Variants in ATP13A1 observed in about 807,000 individuals in gnomAD.
The protein encoded by ATP13A1 is ATPase 13A1.
Under a neutral mutation model 134.8 loss-of-function variants are expected in ATP13A1, and 55 were observed. The ratio of observed to expected loss-of-function variants is 0.41; its 90% CI spans 0.33 to 0.51. The LOEUF (loss-of-function observed/expected upper bound fraction) is 0.51, where lower values mean the gene tolerates loss of function less well. Ranked by LOEUF, ATP13A1 falls within the 20% of genes least tolerant of loss-of-function variation. ATP13A1 has a pLI of 0.29. For missense variants in ATP13A1, 1,389 were observed against 1,652.8 expected (o/e 0.84, Z 2.77); for synonymous variants, 775 against 725.1 (o/e 1.07, Z -1.10).
chr19:19,655,600 G>A lies in ATP13A1; in HGVS notation c.1324C>T (p.Leu442=), dbSNP rs781434427. Residue 442 remains leucine (L), a synonymous_variant, in exon 10 of 26, where the codon CTG becomes TTG. Coordinates refer to ENST00000357324, the MANE Select transcript of ATP13A1 (RefSeq NM_020410.3). The surrounding 1 kb of genome is among the most constrained non-coding windows in gnomAD (Gnocchi z 5.7). ...FGVKRVTANN[L]ETFIFILFLL... is the part of the protein sequence containing the mutation. Reference sequence around the variant, plus strand: ...AAGAGGATGAAGATGAAGGTCTCCAGGTTGTTCGCAGTCACCCTCTTGACC... The same window carrying A: ...AAGAGGATGAAGATGAAGGTCTCCAAGTTGTTCGCAGTCACCCTCTTGACC... 21 of 1,613,790 alleles carry A rather than the reference G, an allele frequency of 1.3e-5. No individual in the cohort carries two copies. Among genetic ancestry groups the A allele is most frequent in the South Asian group, 1.2e-4 (11 of 91,072 alleles).
chr19:19,648,297 C>T (rs1250006419), intron 19 of ATP13A1, among the ~76,000 whole-genome samples: 1 of 151,832 alleles, frequency 6.6e-6, no homozygotes, highest in Non-Finnish European at 1.5e-5. Context: ...CCAGCCTGGG[C>T]GACAGAGCGA....
chr19:19,659,660 G>A lies in ATP13A1; in HGVS notation c.618C>T (p.Asn206=). The A allele has an allele frequency of 6.2e-7, 1 of 1,613,914 alleles. No homozygotes were observed. The highest frequency in any genetic ancestry group is 2.2e-5 in the East Asian group (1 of 44,862). ...VGNAFSYYQS[N]RGFQEDSEIR... ...TCTCTGAGTCTTCCTGGAAGCCTCT[G>A]TTGCTCTGATAGTATGAGAAGGCGT... Residue 206 remains asparagine (N), a synonymous_variant, in exon 3 of 26, where the codon AAC becomes AAT. Transcript: ENST00000357324.
Position 19,647,744 on chromosome 19 carries a change from G to T in ATP13A1, c.2648C>A (p.Ala883Asp). The change falls in exon 20 of 26, where the codon GCC becomes GAC. Residue 883 changes from alanine (A) to aspartate (D), a missense_variant. By Grantham distance (126) the Ala-to-Asp change is moderately radical (BLOSUM62 -2). This residue lies in a region of ATP13A1 where 121 missense variants were observed against 104.9 expected (regional missense o/e 1.15). Transcript: ENST00000357324. The surrounding 1 kb of genome is among the most constrained non-coding windows in gnomAD (Gnocchi z 4.8). ...KHADVGVALL[A>D]NAPERVVERR... ...CTCGACAACCCGCTCAGGGGCATTG[G>T]CCAAGAGCGCCACACCTGGGGGGCA... is the stretch of plus-strand genomic sequence containing the variant. 1 of 1,599,322 alleles carries T rather than the reference G, an allele frequency of 6.3e-7. No individual in the cohort carries two copies.
At chr19:19,657,271 G>C in intron 4 of ATP13A1, 65 bp downstream of exon 4, 15 of 1,521,070 alleles carry the variant, frequency 9.9e-6, no homozygotes, top group Non-Finnish European at 1.3e-5. Flanking sequence ...TGGTGGGCAG[G>C]CTTGATCCGG....
chr19:19,646,169 C>T (rs767871145), intron 23 of ATP13A1, 36 bp downstream of exon 23: 2 of 1,612,378 alleles, frequency 1.2e-6, no homozygotes, highest in South Asian at 2.2e-5. Context: ...CTATTCTCAG[C>T]TGCAGGGACA....
chr19:19,655,839 C>T lies in ATP13A1; in HGVS notation c.1269+39G>A, dbSNP rs1392917793. 1.3e-6 allele frequency: 2 copies of T among 1,554,884 alleles called. No individual in the cohort carries two copies. Among genetic ancestry groups the T allele is most frequent in the Non-Finnish European group, 1.7e-6 (2 of 1,155,506 alleles). On this transcript the variant is annotated intron_variant, in intron 9 of 25. Coordinates refer to ENST00000357324, the MANE Select transcript of ATP13A1 (RefSeq NM_020410.3). The surrounding 1 kb of genome is among the most constrained non-coding windows in gnomAD (Gnocchi z 5.7). ...AAGGGCTGATACCTTGGCTGTCCAA[C>T]TGCCCTGGGGCCCGCCCTCCCCAGA...
At chr19:19,646,620 C>T (rs1022261973) in intron 22 of ATP13A1, 1 of 529,120 alleles carries the variant, frequency 1.9e-6, no homozygotes, top group African/African-American at 1.9e-5. Flanking sequence ...TCCTGCCCTC[C>T]CTGGAGCCCA....
At chr19:19,662,544 C>T (rs1038862549) in intron 1 of ATP13A1, among the ~76,000 whole-genome samples, 2 of 152,114 alleles carry the variant, frequency 1.3e-5, no homozygotes, top group African/African-American at 4.8e-5. Flanking sequence ...TGCTTCAGGC[C>T]CAGGGAAGCT....
intron 1 of ATP13A1, among the ~76,000 whole-genome samples, chr19:19,661,010 C>T (rs955771448): frequency 1.3e-5 from 2 of 151,904 alleles, no homozygotes; most frequent in Non-Finnish European, 2.9e-5. Flanking sequence ...ACCTGGGAGG[C>T]GGAGGTTGCA....
rs116265234 is a variant in ATP13A1, at chr19:19,647,054, C to G, written c.3105+75G>C. Reference sequence around the variant, plus strand: ...CCTGGGTCCTGTAACTTGGGGATGACAATTCCCGTGCCTATATCAGCCTGG... The same window carrying G: ...CCTGGGTCCTGTAACTTGGGGATGAGAATTCCCGTGCCTATATCAGCCTGG... On this transcript the variant is annotated intron_variant, in intron 22 of 25. Coordinates refer to ENST00000357324, the MANE Select transcript of ATP13A1 (RefSeq NM_020410.3). The surrounding 1 kb of genome is among the most constrained non-coding windows in gnomAD (Gnocchi z 4.8). 2,304 of 1,467,762 alleles carry G rather than the reference C, an allele frequency of 1.6e-3. 33 individuals carry two copies. The African/African-American group carries it at 0.027, about 17-fold the overall frequency. The allele number at this position is 1,467,762 out of a possible 1,614,324, so 90.9% of individuals were successfully genotyped here. A position where few individuals can be genotyped will look rare whatever the true frequency, so the allele number is the denominator to read the frequency against.
chr19:19,654,738 C>A (rs200369892), intron 12 of ATP13A1, 38 bp from the exon 13 acceptor site: 4 of 1,578,482 alleles, frequency 2.5e-6, no homozygotes, highest in East Asian at 2.3e-5. Context: ...AGAGTGCAGG[C>A]GGGTAGGGCG....
intron 13 of ATP13A1, 102 bp from the exon 14 acceptor site, chr19:19,654,246 C>CA: frequency 7.8e-7 from 1 of 1,275,734 alleles, no homozygotes; most frequent in Non-Finnish European, 1.1e-6. Context: ...CTGCCTCCCC[C>CA]AGGGCCTGAT....
chr19:19,653,096 C>G lies in ATP13A1; in HGVS notation c.2101-376G>C, dbSNP rs2062035208. On this transcript the variant is annotated intron_variant, in intron 15 of 25. Coordinates refer to ENST00000357324, the MANE Select transcript of ATP13A1 (RefSeq NM_020410.3). This position sits in a 1 kb window ranked among gnomAD's most constrained non-coding sequence, Gnocchi z 4.2. ...TCCACCACATACCACAGACTGGGCA[C>G]AGACCCCTGGCCTTAGGGAGCTCAC... is the stretch of plus-strand genomic sequence containing the variant. 4.2e-6 allele frequency: 1 copy of G among 236,388 alleles called. No individual in the cohort carries two copies. Among genetic ancestry groups the G allele is most frequent in the Non-Finnish European group, 8.4e-6 (1 of 118,990 alleles). 14.6% of individuals were successfully genotyped at this position (236,388 alleles called of 1,614,324 possible).
intron 3 of ATP13A1, among the ~76,000 whole-genome samples, chr19:19,659,231 G>A (rs2062078955): frequency 6.6e-6 from 1 of 152,186 alleles, no homozygotes; most frequent in African/African-American, 2.4e-5. Flanking sequence ...AACATGGGAG[G>A]ATCACCTGAG....
At chr19:19,660,355 A>G (rs891610843) in intron 1 of ATP13A1, among the ~76,000 whole-genome samples, 2 of 152,164 alleles carry the variant, frequency 1.3e-5, no homozygotes, top group African/African-American at 4.8e-5. Context: ...GGTGGTGCAC[A>G]CCTGTAATAC....
chr19:19,663,113 T>A, intron 1 of ATP13A1, 158 bp downstream of exon 1: 1 of 1,089,798 alleles, frequency 9.2e-7, no homozygotes, highest in Non-Finnish European at 1.4e-6. Flanking sequence ...AGTGGGGTCA[T>A]GATTAAGCCT....
intron 13 of ATP13A1, 130 bp from the exon 14 acceptor site, chr19:19,654,274 G>A: frequency 4.6e-6 from 5 of 1,091,086 alleles, no homozygotes; most frequent in Middle Eastern, 3.1e-4. Context: ...CTGGGCTAGA[G>A]CAGGTGTTGG....
Position 19,656,884 on chromosome 19 carries a change from G to A in ATP13A1, c.939C>T (p.Ala313=), listed in dbSNP as rs1227563905. 1 of 1,612,448 alleles carries A rather than the reference G, an allele frequency of 6.2e-7. No individual in the cohort carries two copies. The highest frequency in any genetic ancestry group is 8.5e-7 in the Non-Finnish European group (1 of 1,179,430). ...TGTCCCCTGGTACGATCTCATCACT[G>A]GCAATGGGCCTCCACTTGCGGCTTC... The part of the protein sequence containing the change: ...VYRSRKWRPI[A]SDEIVPGDIV... The change falls in exon 6 of 26, where the codon GCC becomes GCT. Residue 313 remains alanine, a synonymous_variant. Transcript: ENST00000357324. The surrounding 1 kb of genome is among the most constrained non-coding windows in gnomAD (Gnocchi z 4.6).
Position 19,648,967 on chromosome 19 carries a change from C to T in ATP13A1, c.2632+600G>A, listed in dbSNP as rs565107308. Among the ~76,000 whole-genome samples the T allele has an allele frequency of 1.8e-4, 27 of 151,888 alleles. No individual in the cohort carries two copies. In the South Asian group the frequency reaches 5.2e-3, roughly 29 times the overall value. Reference sequence around the variant, plus strand: ...TGAAACCCCATCTCTACTAAAAATACAAAAATTAGCCAGGCATGGTGGCAC... The same window carrying T: ...TGAAACCCCATCTCTACTAAAAATATAAAAATTAGCCAGGCATGGTGGCAC... On this transcript the variant is annotated intron_variant, in intron 19 of 25. Transcript: ENST00000357324.
Sources: gnomAD v4.1 joint callset for allele counts (sites outside exome capture counted in the v4.1 genomes callset) on GRCh38, gnomAD v4.1.1 for gene constraint, gnomAD v4.1.1 regional missense constraint, Gnocchi (gnomAD v3.1) non-coding constraint, MANE v1.5 for transcripts, NCBI Gene and HGNC (gene_info 2026-07-23, HGNC 2026-07-21) for gene names.